PHACTR1: variants seen among roughly 807,000 people sequenced by gnomAD.
PHACTR1 encodes phosphatase and actin regulator 1.
In PHACTR1, 16 loss-of-function variants were observed where a neutral mutation model predicts 69.2. The observed-to-expected ratio is 0.23, with a 90% confidence interval of 0.16 to 0.35. The LOEUF (loss-of-function observed/expected upper bound fraction) is 0.35. Ranked by LOEUF, PHACTR1 falls within the 10% of genes least tolerant of loss-of-function variation. PHACTR1 has a pLI of 1.00. For synonymous variants in PHACTR1, 312 were observed against 284.5 expected (o/e 1.10, Z -0.97); for missense variants, 510 against 734.7 (o/e 0.69, Z 3.54).
At chr6:13,041,270 G>A (rs13219842) in intron 4 of PHACTR1, among the ~76,000 whole-genome samples, 24,863 of 149,966 alleles carry the variant, frequency 0.17, 2,533 homozygotes, top group South Asian at 0.26. Context: ...ATATGAGCAG[G>A]GTTCCTTACT....
chr6:13,268,457 G>A (rs1050475716), intron 10 of PHACTR1, among the ~76,000 whole-genome samples: 23 of 151,980 alleles, frequency 1.5e-4, no homozygotes, highest in Non-Finnish European at 3.2e-4. Flanking sequence ...AACGTCCCAG[G>A]GCAAAGGAGA....
At chr6:12,731,310 G>A (rs1003757231) in intron 3 of PHACTR1, among the ~76,000 whole-genome samples, 3 of 152,164 alleles carry the variant, frequency 2.0e-5, no homozygotes, top group South Asian at 2.1e-4. Flanking sequence ...CACCATGCCC[G>A]GCCATATTAC....
intron 4 of PHACTR1, among the ~76,000 whole-genome samples, chr6:12,920,514 A>G (rs1373415650): frequency 6.6e-6 from 1 of 152,260 alleles, no homozygotes; most frequent in African/African-American, 2.4e-5. Context: ...GTTTTTCATT[A>G]TCTCTTCATT....
At chr6:13,225,513 C>G (rs1769472198) in intron 8 of PHACTR1, among the ~76,000 whole-genome samples, 1 of 152,206 alleles carries the variant, frequency 6.6e-6, no homozygotes. Context: ...GCCCATGTAT[C>G]TTTGAAAGAG....
intron 4 of PHACTR1, among the ~76,000 whole-genome samples, chr6:12,772,586 TTC>T: frequency 6.6e-6 from 1 of 152,328 alleles, no homozygotes; most frequent in East Asian, 1.9e-4. Context: ...AAGTAACATT[TTC>T]TCTCCCATAG....
Position 12,926,426 on chromosome 6 carries a change from A to G in PHACTR1, c.251-126939A>G, listed in dbSNP as rs115894124. ...CTACCCTGTTAACCAATGACTTCCAAATCTATAACTTGATTCCTCACATGA... is the reference window on the plus strand; with the variant it reads ...CTACCCTGTTAACCAATGACTTCCAGATCTATAACTTGATTCCTCACATGA... On this transcript the variant is annotated intron_variant, in intron 4 of 14. Coordinates refer to ENST00000332995, the MANE Select transcript of PHACTR1 (RefSeq NM_030948.6). Among the ~76,000 whole-genome samples, 465 of 152,226 alleles carry G rather than the reference A, an allele frequency of 3.1e-3. 5 individuals carry two copies. Among genetic ancestry groups the G allele is most frequent in the African/African-American group, 0.011 (446 of 41,552 alleles).
intron 4 of PHACTR1, among the ~76,000 whole-genome samples, chr6:12,924,214 A>G (rs1471059448): frequency 1.3e-5 from 2 of 152,224 alleles, no homozygotes; most frequent in East Asian, 3.9e-4. Flanking sequence ...ATGTATGTAA[A>G]TACATATATA....
chr6:13,082,625 T>C (rs1583278603), intron 5 of PHACTR1, among the ~76,000 whole-genome samples: 2 of 152,220 alleles, frequency 1.3e-5, no homozygotes, highest in African/African-American at 4.8e-5. Context: ...TCCTGACTTA[T>C]TAATGATCGC....
chr6:12,939,502 A>G (rs1372127918), intron 4 of PHACTR1, among the ~76,000 whole-genome samples: 1 of 152,184 alleles, frequency 6.6e-6, no homozygotes, highest in East Asian at 1.9e-4. Flanking sequence ...TCTCGTATCT[A>G]GAACTCTTTC....
At chr6:12,991,959 C>T (rs1388805284) in intron 4 of PHACTR1, among the ~76,000 whole-genome samples, 7 of 150,174 alleles carry the variant, frequency 4.7e-5, no homozygotes, top group Non-Finnish European at 8.9e-5. Flanking sequence ...TTTTTTTACC[C>T]TTATGAAAGG....
intron 5 of PHACTR1, among the ~76,000 whole-genome samples, chr6:13,076,193 C>A (rs931438187): frequency 6.6e-6 from 1 of 152,126 alleles, no homozygotes; most frequent in Non-Finnish European, 1.5e-5. Context: ...CAGTCACCCA[C>A]ACTGAGCACA....
At chr6:12,742,331 A>G (rs1765159176) in intron 3 of PHACTR1, among the ~76,000 whole-genome samples, 2 of 152,236 alleles carry the variant, frequency 1.3e-5, no homozygotes, top group Non-Finnish European at 2.9e-5. Flanking sequence ...GGATGTTGGT[A>G]TGGCATCTGT....
At chr6:13,006,573 C>T (rs114080450) in intron 4 of PHACTR1, among the ~76,000 whole-genome samples, 1 of 150,746 alleles carries the variant, frequency 6.6e-6, no homozygotes, top group Non-Finnish European at 1.5e-5. Context: ...TACATACACA[C>T]CTTATATTAA....
chr6:13,096,537 A>G (rs1416739752), intron 5 of PHACTR1, among the ~76,000 whole-genome samples: 1 of 152,178 alleles, frequency 6.6e-6, no homozygotes, highest in East Asian at 1.9e-4. Flanking sequence ...GATTAATATA[A>G]TATTAGTAAT....
At chr6:12,735,892 A>G (rs1350982285) in intron 3 of PHACTR1, among the ~76,000 whole-genome samples, 1 of 152,196 alleles carries the variant, frequency 6.6e-6, no homozygotes, top group Non-Finnish European at 1.5e-5. Context: ...GGAACACAGT[A>G]GAGCTGGAAC....
At chr6:13,079,620 A>G (rs1395597992) in intron 5 of PHACTR1, among the ~76,000 whole-genome samples, 1 of 152,126 alleles carries the variant, frequency 6.6e-6, no homozygotes, top group Non-Finnish European at 1.5e-5. Context: ...AGTTTCAGAA[A>G]CATACCTCAA....
intron 2 of PHACTR1, chr6:12,718,237 G>A (rs1005966684): frequency 2.0e-5 from 3 of 152,286 alleles, no homozygotes; most frequent in Admixed American, 1.3e-4. Flanking sequence ...TGTCATAAAC[G>A]CACGGCATCT....
intron 10 of PHACTR1, 82 bp downstream of exon 10, chr6:13,230,275 G>T (rs773291238): frequency 6.5e-7 from 1 of 1,547,252 alleles, no homozygotes; most frequent in East Asian, 2.5e-5. Flanking sequence ...GTCTCGGCCG[G>T]GCGCAGTAGC....
At chr6:12,838,796 A>G (rs916062073) in intron 4 of PHACTR1, among the ~76,000 whole-genome samples, 4 of 152,148 alleles carry the variant, frequency 2.6e-5, no homozygotes, top group African/African-American at 4.8e-5. Flanking sequence ...CAACCCCCAC[A>G]TGAAGCAGAA....
Sources: allele counts gnomAD v4.1 joint callset (sites outside exome capture counted in the v4.1 genomes callset), GRCh38; gene constraint gnomAD v4.1.1; transcripts MANE v1.5; gene names NCBI Gene and HGNC (gene_info 2026-07-23, HGNC 2026-07-21).